Variants in CCDC102B observed in about 807,000 individuals in gnomAD.
The protein encoded by CCDC102B is coiled-coil domain containing 102B.
In CCDC102B, 75 loss-of-function variants were observed where a neutral mutation model predicts 57.4. The observed-to-expected ratio is 1.31, with a 90% CI of 1.08 to 1.58. CCDC102B has a LOEUF of 1.58. Ranked by LOEUF, CCDC102B falls within the 40% of genes most tolerant of loss-of-function variation. The pLI, the probability that CCDC102B is intolerant of heterozygous loss-of-function variation, is 0.00. For synonymous variants in CCDC102B, 206 were observed against 201.9 expected (o/e 1.02, Z -0.17); for missense variants, 636 against 582.6 (o/e 1.09, Z -0.94).
chr18:68,730,084 C>T (rs949106308), intron 2 of CCDC102B, among the ~76,000 whole-genome samples: 1 of 152,038 alleles, frequency 6.6e-6, no homozygotes, highest in Non-Finnish European at 1.5e-5. Context: ...AATGGGAATC[C>T]TTAATGCACT....
intron 2 of CCDC102B, among the ~76,000 whole-genome samples, chr18:68,758,313 G>A (rs1307506613): frequency 7.9e-5 from 12 of 151,416 alleles, no homozygotes; most frequent in Admixed American, 6.6e-4. Flanking sequence ...AAATAATTTG[G>A]TTTGGTGTCT....
chr18:69,039,511 A>G (rs1161719193), intron 7 of CCDC102B, among the ~76,000 whole-genome samples: 1 of 151,840 alleles, frequency 6.6e-6, no homozygotes. Flanking sequence ...TGGTACCATG[A>G]GATATTATTA....
At chr18:68,741,552 T>C (rs1046465024) in intron 2 of CCDC102B, among the ~76,000 whole-genome samples, 1 of 152,080 alleles carries the variant, frequency 6.6e-6, no homozygotes, top group Non-Finnish European at 1.5e-5. Flanking sequence ...GGAATAGGAT[T>C]GCCAATGTTG....
chr18:68,926,087 G>A (rs548510003), intron 6 of CCDC102B, among the ~76,000 whole-genome samples: 1 of 151,992 alleles, frequency 6.6e-6, no homozygotes, highest in Admixed American at 6.6e-5. Context: ...AAGATGGATA[G>A]ATAATGGCTT....
At chr18:68,977,085 T>C (rs1358980942) in intron 6 of CCDC102B, among the ~76,000 whole-genome samples, 8 of 152,040 alleles carry the variant, frequency 5.3e-5, no homozygotes, top group African/African-American at 1.9e-4. Context: ...TTGCTAACAT[T>C]AATTGCATCT....
At chr18:69,046,271 T>A (rs73453800) in intron 7 of CCDC102B, among the ~76,000 whole-genome samples, 2,666 of 152,274 alleles carry the variant, frequency 0.018, 80 homozygotes, top group African/African-American at 0.06. Flanking sequence ...TATTATTTTT[T>A]GACTCATAAA....
chr18:68,718,301 T>C lies in CCDC102B; in HGVS notation c.-67+1707T>C, dbSNP rs73454070. 5.1e-3 allele frequency among the ~76,000 whole-genome samples: 783 copies of C among 152,302 alleles called. 8 individuals carry two copies. Among genetic ancestry groups the C allele is most frequent in the African/African-American group, 0.018 (739 of 41,566 alleles). On this transcript the variant is annotated intron_variant, in intron 2 of 3. Transcript: ENST00000578970. Reference sequence around the variant, plus strand: ...ATAATAGAGTAGAATAGAAGATAAATTGTGCTGTAATCCTATAGTAAAGTG... The same window carrying C: ...ATAATAGAGTAGAATAGAAGATAAACTGTGCTGTAATCCTATAGTAAAGTG...
intron 1 of CCDC102B, among the ~76,000 whole-genome samples, chr18:68,828,798 A>G (rs1286978603): frequency 6.6e-6 from 1 of 151,772 alleles, no homozygotes; most frequent in Admixed American, 6.6e-5. Context: ...CATTATGTGA[A>G]TATATATTTA....
At chr18:68,840,495 G>A (rs1446929938) in intron 3 of CCDC102B, among the ~76,000 whole-genome samples, 2 of 152,208 alleles carry the variant, frequency 1.3e-5, no homozygotes, top group African/African-American at 4.8e-5. Flanking sequence ...TCTATGTACA[G>A]AATAAATATT....
At chr18:68,905,944 C>A (rs1000952243) in intron 6 of CCDC102B, among the ~76,000 whole-genome samples, 10 of 151,872 alleles carry the variant, frequency 6.6e-5, no homozygotes, top group African/African-American at 9.7e-5. Flanking sequence ...CAGGCGCCCG[C>A]CACCACGCCC....
chr18:68,887,556 T>C (rs1023718060), intron 5 of CCDC102B, among the ~76,000 whole-genome samples: 4 of 152,330 alleles, frequency 2.6e-5, no homozygotes, highest in Non-Finnish European at 1.5e-5. Flanking sequence ...TGGACAAATG[T>C]CCGTGTTGGA....
At chr18:68,826,013 A>G (rs1033308639) in intron 1 of CCDC102B, among the ~76,000 whole-genome samples, 21 of 152,224 alleles carry the variant, frequency 1.4e-4, no homozygotes, top group Non-Finnish European at 4.4e-5. Context: ...AAAACCTAGA[A>G]TATTTCTCTC....
At chr18:68,760,845 T>C (rs1312845958) in intron 2 of CCDC102B, among the ~76,000 whole-genome samples, 5 of 152,074 alleles carry the variant, frequency 3.3e-5, no homozygotes, top group East Asian at 3.9e-4. Flanking sequence ...CCTGGGTGAA[T>C]TGAAAACTTT....
At chr18:68,836,022 A>G (rs920360235) in intron 1 of CCDC102B, among the ~76,000 whole-genome samples, 1 of 152,176 alleles carries the variant, frequency 6.6e-6, no homozygotes, top group African/African-American at 2.4e-5. Context: ...TTGTTAACCT[A>G]TAGATCAATA....
intron 4 of CCDC102B, among the ~76,000 whole-genome samples, chr18:68,870,869 C>T (rs780583959): frequency 6.6e-6 from 1 of 152,106 alleles, no homozygotes; most frequent in African/African-American, 2.4e-5. Context: ...GGCAAAATGA[C>T]GATAGGGTGT....
intron 6 of CCDC102B, among the ~76,000 whole-genome samples, chr18:68,962,467 T>C (rs2050069506): frequency 6.6e-6 from 1 of 152,054 alleles, no homozygotes; most frequent in Non-Finnish European, 1.5e-5. Context: ...AACATATTAT[T>C]ATTGTACCAT....
chr18:68,911,597 A>G (rs1259704142), intron 6 of CCDC102B, among the ~76,000 whole-genome samples: 1 of 148,118 alleles, frequency 6.8e-6, no homozygotes, highest in Non-Finnish European at 1.5e-5. Context: ...CTAAAAATAC[A>G]AAAAATTAGC....
chr18:69,045,273 A>C (rs988525), intron 7 of CCDC102B, among the ~76,000 whole-genome samples: 123,601 of 151,862 alleles, frequency 0.81, 52,877 homozygotes, highest in Non-Finnish European at 0.95. Flanking sequence ...GACAAATGAC[A>C]ACAAAAATAT....
chr18:68,784,441 T>A (rs1166140330), intron 2 of CCDC102B, among the ~76,000 whole-genome samples: 1 of 151,998 alleles, frequency 6.6e-6, no homozygotes, highest in Non-Finnish European at 1.5e-5. Flanking sequence ...TCACCTCCCA[T>A]CAAACCTCAC....
Sources: allele counts gnomAD v4.1 joint callset (sites outside exome capture counted in the v4.1 genomes callset), GRCh38; gene constraint gnomAD v4.1.1; transcripts MANE v1.5; gene names NCBI Gene and HGNC (gene_info 2026-07-23, HGNC 2026-07-21).